Variants in SERPINB2 observed in about 807,000 individuals in gnomAD.
The protein encoded by SERPINB2 is serpin family B member 2.
A neutral mutation model predicts 39.4 loss-of-function variants in SERPINB2; 28 were observed. The observed-to-expected ratio is 0.71, with a 90% CI of 0.53 to 0.97. The LOEUF is 0.97. Ranked by LOEUF, SERPINB2 falls within the 50% of genes least tolerant of loss-of-function variation. The pLI is 0.00. For missense variants in SERPINB2, 557 were observed against 505.3 expected, an observed-to-expected ratio of 1.10 and a Z score of -0.98; for synonymous variants, 209 against 175.1, an observed-to-expected ratio of 1.19 and a Z score of -1.53.
Position 63,902,551 on chromosome 18 carries a change from T to A in SERPINB2, c.826T>A (p.Ser276Thr). The A allele has an allele frequency of 6.2e-7, 1 of 1,612,794 alleles. No homozygotes were observed. The highest frequency in any genetic ancestry group is 8.5e-7 in the Non-Finnish European group (1 of 1,179,312). Residue 276 changes from serine (S) to threonine (T), a missense_variant, in exon 7 of 8, where the codon TCC becomes ACC. By Grantham distance (58) the Ser-to-Thr change is moderately conservative (BLOSUM62 1). Transcript: ENST00000299502. ...LLLPDEIADV[S>T]TGLELLESEI... ...GCTTCCAGATGAAATTGCCGATGTG[T>A]CCACTGGCTTGGAGCTGGTAAGACA... is the stretch of plus-strand genomic sequence containing the variant.
intron 2 of SERPINB2, among the ~76,000 whole-genome samples, chr18:63,891,924 T>A (rs113453003): frequency 1.0e-3 from 159 of 152,296 alleles, no homozygotes; most frequent in African/African-American, 3.5e-3. Context: ...TAGTGTTTTG[T>A]ACCCATTATC....
intron 3 of SERPINB2, among the ~76,000 whole-genome samples, chr18:63,896,411 G>T (rs895867349): frequency 6.6e-6 from 1 of 152,118 alleles, no homozygotes. Flanking sequence ...CCATAAAATA[G>T]GTATCTAGAG....
intron 5 of SERPINB2, among the ~76,000 whole-genome samples, chr18:63,900,548 G>A (rs182940039): frequency 1.6e-4 from 25 of 152,138 alleles, no homozygotes; most frequent in Non-Finnish European, 3.1e-4. Context: ...GGGCAGTTTG[G>A]GGGTCATATT....
intron 3 of SERPINB2, among the ~76,000 whole-genome samples, chr18:63,896,739 T>C (rs1256147920): frequency 6.6e-6 from 1 of 152,220 alleles, no homozygotes; most frequent in Non-Finnish European, 1.5e-5. Flanking sequence ...CATTATACTG[T>C]ACATTAGATC....
Position 63,903,379 on chromosome 18 carries a change from C to G in SERPINB2, c.*74C>G. ...CCTCAGAATTGCTATTTCAAATTGC[C>G]AAAAATTTAGAGATGTTTTCTACAT... is the stretch of plus-strand genomic sequence containing the variant. On this transcript the variant is annotated 3_prime_UTR_variant, in exon 8 of 8. Coordinates refer to ENST00000299502, the MANE Select transcript of SERPINB2 (RefSeq NM_002575.3). 7.1e-7 allele frequency: 1 copy of G among 1,404,336 alleles called. No individual in the cohort carries two copies. The highest frequency in any genetic ancestry group is 9.4e-7 in the Non-Finnish European group (1 of 1,063,218). The allele number at this position is 1,404,336 out of a possible 1,614,324, so 87.0% of individuals were successfully genotyped here. A position where few individuals can be genotyped will look rare whatever the true frequency, so the allele number is the denominator to read the frequency against.
intron 5 of SERPINB2, among the ~76,000 whole-genome samples, chr18:63,900,488 C>T (rs2049984841): frequency 6.6e-6 from 1 of 152,088 alleles, no homozygotes; most frequent in African/African-American, 2.4e-5. Context: ...TCCATGATTC[C>T]TCCTGCAGAG....
intron 1 of SERPINB2, chr18:63,889,839 A>G (rs917815131): frequency 2.6e-5 from 4 of 151,978 alleles, no homozygotes; most frequent in African/African-American, 9.7e-5. Flanking sequence ...TCTTTCTAGC[A>G]TTTCTTGCAC....
intron 2 of SERPINB2, among the ~76,000 whole-genome samples, chr18:63,894,517 T>C (rs990847209): frequency 6.6e-6 from 1 of 150,956 alleles, no homozygotes; most frequent in African/African-American, 2.4e-5. Flanking sequence ...CCCAAGGAGG[T>C]GGGATGGGGT....
rs771265423 is a variant in SERPINB2, at chr18:63,903,425, C to G, written c.*120C>G. ...TACATATTTCTGCTCTTCTGAACAA[C>G]TTCTGCTACCCACTAAATAAAAACA... On this transcript the variant is annotated 3_prime_UTR_variant, in exon 8 of 8. Transcript: ENST00000299502. 1.1e-6 allele frequency: 1 copy of G among 892,694 alleles called. No individual in the cohort carries two copies. The highest frequency in any genetic ancestry group is 1.7e-5 in the African/African-American group (1 of 57,472). 55.3% of individuals were successfully genotyped at this position (892,694 alleles called of 1,614,324 possible). A position where few individuals can be genotyped will look rare whatever the true frequency, so the allele number is the denominator to read the frequency against.
intron 3 of SERPINB2, among the ~76,000 whole-genome samples, chr18:63,896,496 CA>C: frequency 6.6e-6 from 1 of 152,216 alleles, no homozygotes. Context: ...GTATAATGGA[CA>C]AATAAAAATT....
chr18:63,897,913 A>T, intron 5 of SERPINB2, 69 bp downstream of exon 5: 1 of 1,100,830 alleles, frequency 9.1e-7, no homozygotes, highest in Admixed American at 2.0e-5. Flanking sequence ...TTTTCCATCC[A>T]TGAACTTAGT....
intron 2 of SERPINB2, among the ~76,000 whole-genome samples, chr18:63,892,017 A>G (rs2049929671): frequency 6.6e-6 from 1 of 152,082 alleles, no homozygotes; most frequent in South Asian, 2.1e-4. Flanking sequence ...CCTAACTCCT[A>G]GCCTGGGCTC....
intron 5 of SERPINB2, 65 bp downstream of exon 5, chr18:63,897,909 A>G (rs2049970976): frequency 4.4e-6 from 5 of 1,137,576 alleles, no homozygotes; most frequent in Non-Finnish European, 6.5e-6. Flanking sequence ...ATCTTTTTCC[A>G]TCCATGAACT....
intron 1 of SERPINB2, 126 bp from the exon 2 acceptor site, chr18:63,891,310 C>T (rs2049924225): frequency 2.0e-6 from 2 of 976,392 alleles, no homozygotes; most frequent in African/African-American, 1.6e-5. Context: ...CATGTTGTTC[C>T]ATGAGGAAGA....
rs1035863226 is a variant in SERPINB2 at position 63,903,704 on chromosome 18, G to A, written c.*399G>A. 8.5e-5 allele frequency: 13 copies of A among 153,188 alleles called. No homozygotes were observed. The highest frequency in any genetic ancestry group is 3.1e-4 in the African/African-American group (13 of 41,442). The allele number at this position is 153,188 out of a possible 1,614,324, so 9.5% of individuals were successfully genotyped here. A position where few individuals can be genotyped will look rare whatever the true frequency, so the allele number is the denominator to read the frequency against. ...TCCTATCTAATAAATGCCTTTAATTGTTCTCATAATGAAGAATAAGTAGGT... is the reference window on the plus strand; with the variant it reads ...TCCTATCTAATAAATGCCTTTAATTATTCTCATAATGAAGAATAAGTAGGT... On this transcript the variant is annotated 3_prime_UTR_variant, in exon 8 of 8. Coordinates refer to ENST00000299502, the MANE Select transcript of SERPINB2 (RefSeq NM_002575.3).
chr18:63,895,341 G>T lies in SERPINB2; in HGVS notation c.246G>T (p.Met82Ile). 1 of 1,614,152 alleles carries T rather than the reference G, an allele frequency of 6.2e-7. No homozygotes were observed. Among genetic ancestry groups the T allele is most frequent in the Non-Finnish European group, 8.5e-7 (1 of 1,180,000 alleles). Residue 82 changes from methionine (M) to isoleucine (I), a missense_variant, in exon 3 of 8, where the codon ATG becomes ATT. By Grantham distance (10) the Met-to-Ile change is conservative. Coordinates refer to ENST00000299502, the MANE Select transcript of SERPINB2 (RefSeq NM_002575.3). ...TPENFTSCGF[M>I]QQIQKGSYPD... Reference sequence around the variant, plus strand: ...AGAACTTTACCAGCTGTGGGTTCATGCAGCAGATCCAGAAGGGTAGTTATC... The same window carrying T: ...AGAACTTTACCAGCTGTGGGTTCATTCAGCAGATCCAGAAGGGTAGTTATC...
At chr18:63,888,824 T>A (rs2049908170) in intron 1 of SERPINB2, among the ~76,000 whole-genome samples, 1 of 152,204 alleles carries the variant, frequency 6.6e-6, no homozygotes, top group Non-Finnish European at 1.5e-5. Flanking sequence ...GTTAATGAGA[T>A]CATATAAATT....
chr18:63,891,981 T>G (rs188740172), intron 2 of SERPINB2, among the ~76,000 whole-genome samples: 1 of 152,178 alleles, frequency 6.6e-6, no homozygotes, highest in Non-Finnish European at 1.5e-5. Context: ...AGAGCCCTGG[T>G]GGTGTCAGAG....
In SERPINB2 at chr18:63,903,161, A is replaced by G; in HGVS notation, c.1104A>G (p.Glu368=). 6.2e-7 allele frequency: 1 copy of G among 1,613,738 alleles called. No homozygotes were observed. The highest frequency in any genetic ancestry group is 8.5e-7 in the Non-Finnish European group (1 of 1,179,764). ...AMVDVNEEGT[E]AAAGTGGVMT... ...TGGATGTGAATGAGGAGGGCACTGA[A>G]GCAGCCGCTGGCACAGGAGGTGTTA... Residue 368 remains glutamate, a synonymous_variant, in exon 8 of 8, where the codon GAA becomes GAG. Transcript: ENST00000299502.
Sources: allele counts gnomAD v4.1 joint callset (sites outside exome capture counted in the v4.1 genomes callset), GRCh38; gene constraint gnomAD v4.1.1; transcripts MANE v1.5; gene names NCBI Gene and HGNC (gene_info 2026-07-23, HGNC 2026-07-21).